The following PDE8B variants were observed in gnomAD, a reference collection of about 807,000 sequenced individuals.
PDE8B encodes phosphodiesterase 8B.
A neutral mutation model predicts 101.3 loss-of-function variants in PDE8B; 26 were observed. That is an observed-to-expected ratio of 0.26 (90% CI 0.19 to 0.36). The LOEUF (loss-of-function observed/expected upper bound fraction) is 0.36. PDE8B is among the 10% of genes least tolerant of loss of function. The pLI, the probability that PDE8B is intolerant of heterozygous loss-of-function variation, is 1.00. For missense variants in PDE8B, 810 were observed against 1,163.1 expected, an observed-to-expected ratio of 0.70 and a Z score of 4.42; for synonymous variants, 424 against 429.3, an observed-to-expected ratio of 0.99 and a Z score of 0.15.
At chr5:77,217,167 C>CTT (rs145643633) in intron 1 of PDE8B, among the ~76,000 whole-genome samples, 1 of 152,044 alleles carries the variant, frequency 6.6e-6, no homozygotes, top group Non-Finnish European at 1.5e-5. Flanking sequence ...TGCTGATACA[C>CTT]TTTTTTTATC....
At chr5:77,226,356 C>A (rs1228919340) in intron 1 of PDE8B, among the ~76,000 whole-genome samples, 2 of 152,072 alleles carry the variant, frequency 1.3e-5, no homozygotes, top group Admixed American at 1.3e-4. Context: ...CTGCATTTTC[C>A]TTTTTTCACT....
chr5:77,206,923 T>C (rs1479014955), upstream of PDE8B, among the ~76,000 whole-genome samples: 1 of 152,194 alleles, frequency 6.6e-6, no homozygotes, highest in Non-Finnish European at 1.5e-5. Flanking sequence ...CATTCTCGAA[T>C]GTTGGTGATT....
chr5:77,150,976 C>A, the PDE8B span, among the ~76,000 whole-genome samples: 1 of 152,194 alleles, frequency 6.6e-6, no homozygotes, highest in Non-Finnish European at 1.5e-5. Flanking sequence ...CAGAGACCAG[C>A]AGGTAGACAT....
chr5:77,423,339 T>C (rs919645114), intron 20 of PDE8B, among the ~76,000 whole-genome samples: 4 of 152,220 alleles, frequency 2.6e-5, no homozygotes, highest in Non-Finnish European at 4.4e-5. Flanking sequence ...CAGGTGTCTC[T>C]TCAGTAGAAT....
chr5:77,163,169 A>G, the PDE8B span, among the ~76,000 whole-genome samples: 1 of 152,242 alleles, frequency 6.6e-6, no homozygotes, highest in Non-Finnish European at 1.5e-5. Context: ...CGTGATAGAA[A>G]TGAGGGTCAG....
chr5:77,385,454 G>C (rs1788357766), intron 10 of PDE8B, among the ~76,000 whole-genome samples: 1 of 150,290 alleles, frequency 6.7e-6, no homozygotes, highest in Admixed American at 6.6e-5. Context: ...TCTTTTTAAG[G>C]GTTTTTCGTG....
At chr5:77,320,662 GATAA>G (rs1774847547) in intron 2 of PDE8B, among the ~76,000 whole-genome samples, 1 of 152,026 alleles carries the variant, frequency 6.6e-6, no homozygotes, top group African/African-American at 2.4e-5. Flanking sequence ...ACAAGTCATC[GATAA>G]ATATTCTTTG....
intron 1 of PDE8B, among the ~76,000 whole-genome samples, chr5:77,299,310 T>A (rs1034888735): frequency 1.2e-4 from 18 of 152,028 alleles, no homozygotes; most frequent in African/African-American, 4.1e-4. Flanking sequence ...TTAGGGTACA[T>A]GTGCACAATG....
At chr5:77,357,888 A>G (rs936556149) in intron 10 of PDE8B, among the ~76,000 whole-genome samples, 1 of 152,076 alleles carries the variant, frequency 6.6e-6, no homozygotes, top group Admixed American at 6.5e-5. Flanking sequence ...CAGTCCTTAC[A>G]CCTTCATGGA....
intron 10 of PDE8B, among the ~76,000 whole-genome samples, chr5:77,395,908 A>G (rs1790949467): frequency 6.6e-6 from 1 of 152,174 alleles, no homozygotes; most frequent in Non-Finnish European, 1.5e-5. Context: ...GGCCGACCCC[A>G]TTCTCAGGGT....
chr5:77,174,599 T>G, the PDE8B span, among the ~76,000 whole-genome samples: 1 of 152,206 alleles, frequency 6.6e-6, no homozygotes, highest in Non-Finnish European at 1.5e-5. Context: ...TAGCTCTTCG[T>G]GTCAGTGAAC....
intron 10 of PDE8B, among the ~76,000 whole-genome samples, chr5:77,393,679 A>G (rs1790427055): frequency 6.6e-6 from 1 of 152,232 alleles, no homozygotes; most frequent in Admixed American, 6.5e-5. Flanking sequence ...CTGGAACTTT[A>G]TAAGGAATTT....
the PDE8B span, among the ~76,000 whole-genome samples, chr5:77,097,884 C>T: frequency 6.7e-6 from 1 of 149,946 alleles, no homozygotes; most frequent in South Asian, 2.2e-4. Context: ...GAAATGAGGT[C>T]CTTGTTACTA....
At chr5:77,176,610 C>T in the PDE8B span, among the ~76,000 whole-genome samples, 1 of 152,128 alleles carries the variant, frequency 6.6e-6, no homozygotes. Flanking sequence ...GACACGGGCC[C>T]ACACTGAGCC....
intron 1 of PDE8B, among the ~76,000 whole-genome samples, chr5:77,235,587 A>G (rs1425363548): frequency 6.6e-6 from 1 of 152,248 alleles, no homozygotes; most frequent in Non-Finnish European, 1.5e-5. Context: ...CCTTACACTC[A>G]TAGTGCTTAT....
chr5:77,282,490 G>A lies in PDE8B; in HGVS notation c.340-29504G>A, dbSNP rs904627148. On this transcript the variant is annotated intron_variant, in intron 1 of 21. Coordinates refer to ENST00000264917, the MANE Select transcript of PDE8B (RefSeq NM_003719.5). Reference sequence around the variant, plus strand: ...TTGTTTGCTGATCCTGTCATGATATGTCATTAAACATTCCTGGCTGGAAGT... The same window carrying A: ...TTGTTTGCTGATCCTGTCATGATATATCATTAAACATTCCTGGCTGGAAGT... Among the ~76,000 whole-genome samples the A allele has an allele frequency of 2.6e-5, 4 of 152,218 alleles. No individual in the cohort carries two copies. The South Asian group carries it at 8.3e-4, about 32-fold the overall frequency.
intron 1 of PDE8B, among the ~76,000 whole-genome samples, chr5:77,235,709 C>T (rs1754522768): frequency 2.0e-5 from 3 of 151,748 alleles, no homozygotes; most frequent in Middle Eastern, 6.8e-3. Flanking sequence ...ATATCCTTCT[C>T]TTTTTTTCAC....
chr5:77,271,785 C>A (rs987817598), intron 1 of PDE8B, among the ~76,000 whole-genome samples: 1 of 152,116 alleles, frequency 6.6e-6, no homozygotes, highest in Admixed American at 6.5e-5. Context: ...CTGGATAGTC[C>A]TTATACATTC....
chr5:77,313,047 A>G (rs1217961139), intron 2 of PDE8B, among the ~76,000 whole-genome samples: 1 of 152,234 alleles, frequency 6.6e-6, no homozygotes, highest in Non-Finnish European at 1.5e-5. Context: ...CCTTATCTGC[A>G]TATAAGCCAT....
Sources: allele counts gnomAD v4.1 joint callset (sites outside exome capture counted in the v4.1 genomes callset), GRCh38; gene constraint gnomAD v4.1.1; transcripts MANE v1.5; gene names NCBI Gene and HGNC (gene_info 2026-07-23, HGNC 2026-07-21).